Variants in PCDHGA9 observed in about 807,000 individuals in gnomAD.
PCDHGA9 encodes the protein protocadherin gamma subfamily A, 9.
A neutral mutation model predicts 62.5 loss-of-function variants in PCDHGA9; 37 were observed. That is an observed-to-expected ratio of 0.59 (90% confidence interval 0.46 to 0.78). PCDHGA9 has a LOEUF of 0.78. PCDHGA9 is among the 30% of genes least tolerant of loss of function. The pLI, the probability that PCDHGA9 is intolerant of heterozygous loss-of-function variation, is 0.00. For missense variants in PCDHGA9, 1,138 were observed against 1,166.2 expected (o/e 0.98, Z 0.35); for synonymous variants, 459 against 484.6 (o/e 0.95, Z 0.69).
At chr5:141,503,620 A>C (rs1475731896) in intron 2 of PCDHGA9, among the ~76,000 whole-genome samples, 1 of 152,026 alleles carries the variant, frequency 6.6e-6, no homozygotes, top group East Asian at 1.9e-4. Flanking sequence ...AAAAAGAAAA[A>C]AGAAAAGAAA....
intron 1 of PCDHGA9, chr5:141,418,882 C>G: frequency 1.2e-6 from 2 of 1,613,960 alleles, no homozygotes; most frequent in Non-Finnish European, 1.7e-6. Flanking sequence ...TAGACGAAAA[C>G]GACAACAGCC....
intron 1 of PCDHGA9, chr5:141,441,139 G>C (rs1000704603): frequency 6.6e-6 from 1 of 152,172 alleles, no homozygotes; most frequent in African/African-American, 2.4e-5. Context: ...ATTTCTAGAA[G>C]ATAATGACAA....
At chr5:141,453,517 C>T (rs1001603927) in intron 1 of PCDHGA9, among the ~76,000 whole-genome samples, 1 of 152,062 alleles carries the variant, frequency 6.6e-6, no homozygotes, top group African/African-American at 2.4e-5. Context: ...TCATTCCTCC[C>T]CTATACCTTC....
intron 1 of PCDHGA9, among the ~76,000 whole-genome samples, chr5:141,448,316 T>C (rs1042171540): frequency 6.6e-6 from 1 of 152,174 alleles, no homozygotes; most frequent in Non-Finnish European, 1.5e-5. Flanking sequence ...AGGAATCTTT[T>C]CTTTGAATCT....
At chr5:141,461,966 G>A (rs2099027516) in intron 1 of PCDHGA9, among the ~76,000 whole-genome samples, 1 of 152,162 alleles carries the variant, frequency 6.6e-6, no homozygotes, top group African/African-American at 2.4e-5. Context: ...TGGGATTCCA[G>A]GCATATGCCA....
chr5:141,476,036 A>G lies in PCDHGA9; in HGVS notation c.2425-18771A>G. The G allele has an allele frequency of 1.4e-6, 2 of 1,471,164 alleles. No individual in the cohort carries two copies. Among genetic ancestry groups the G allele is most frequent in the Non-Finnish European group, 1.8e-6 (2 of 1,106,602 alleles). 91.1% of individuals were successfully genotyped at this position (1,471,164 alleles called of 1,614,324 possible). ...ATGTCGGACTCGGCGCCCAGCGCCCAAGCGCTAACCCGCTGAAAGTTTCTC... is the reference window on the plus strand; with the variant it reads ...ATGTCGGACTCGGCGCCCAGCGCCCGAGCGCTAACCCGCTGAAAGTTTCTC... On this transcript the variant is annotated intron_variant, in intron 1 of 3. Transcript: ENST00000573521. The surrounding 1 kb of genome is among the most constrained non-coding windows in gnomAD (Gnocchi z 7.6).
intron 1 of PCDHGA9, chr5:141,407,992 G>A (rs929571955): frequency 4.3e-5 from 37 of 851,508 alleles, no homozygotes; most frequent in Middle Eastern, 3.7e-4. Context: ...GTCAGCCTCT[G>A]GCCTGGGATT....
rs759226115 is a variant in PCDHGA9 at position 141,405,385 on chromosome 5, A to AT, written c.2424+17dup. 3.1e-5 allele frequency: 49 copies of AT among 1,599,976 alleles called. 1 individual carries two copies. The highest frequency in any genetic ancestry group is 2.8e-4 in the Admixed American group (16 of 56,782). On this transcript the variant is annotated intron_variant, in intron 1 of 3. Coordinates refer to ENST00000573521, the MANE Select transcript of PCDHGA9 (RefSeq NM_018921.3). ...ACACCCCTTTGGTTCCGGTGAGTTC[A>AT]TTTTTTTTCTTTCTTTCTTTTCTTT...
chr5:141,403,365 T>A lies in PCDHGA9; in HGVS notation c.413T>A (p.Leu138Gln). Residue 138 changes from leucine to glutamine, a missense_variant, in exon 1 of 4, where the codon CTG (leucine) becomes CAG (glutamine). Leu to Gln is a moderately radical substitution (Grantham distance 113, BLOSUM62 -2). Transcript: ENST00000573521. ...GCCCCAAAGTTCCAGGCCGAAAGTC[T>A]GGAAGTAAAAATTAACGAAATCGCG... ...DSAPKFQAES[L>Q]EVKINEIAVP... 6.2e-7 allele frequency: 1 copy of A among 1,614,024 alleles called. No homozygotes were observed. Among genetic ancestry groups the A allele is most frequent in the Non-Finnish European group, 8.5e-7 (1 of 1,179,902 alleles).
chr5:141,483,472 T>C (rs1457039859), intron 1 of PCDHGA9, among the ~76,000 whole-genome samples: 2 of 152,076 alleles, frequency 1.3e-5, no homozygotes, highest in Non-Finnish European at 2.9e-5. Flanking sequence ...TGACATGATA[T>C]AGGAAGTGAG....
At chr5:141,494,724 T>C in intron 1 of PCDHGA9, 83 bp from the exon 2 acceptor site, 1 of 1,606,108 alleles carries the variant, frequency 6.2e-7, no homozygotes, top group South Asian at 1.1e-5. Flanking sequence ...CCCCTCCTTC[T>C]CTCCCGGCCC....
At chr5:141,421,523 C>G in intron 1 of PCDHGA9, 1 of 1,614,034 alleles carries the variant, frequency 6.2e-7, no homozygotes, top group Non-Finnish European at 8.5e-7. Context: ...CTCTGTGAGA[C>G]GGTGTCCTCC....
chr5:141,410,458 T>C (rs776990737), intron 1 of PCDHGA9: 9 of 1,613,922 alleles, frequency 5.6e-6, no homozygotes, highest in Middle Eastern at 3.3e-4. Context: ...CTTATTCTTA[T>C]AATCTGTGCA....
At chr5:141,471,302 C>T (rs111827070) in intron 1 of PCDHGA9, 9,302 of 152,168 alleles carry the variant, frequency 0.061, 339 homozygotes, top group South Asian at 0.12. Flanking sequence ...CCACCCAACT[C>T]GGCCTCCCAA....
intron 3 of PCDHGA9, among the ~76,000 whole-genome samples, chr5:141,509,693 G>A (rs72790076): frequency 0.024 from 3,613 of 152,246 alleles, 55 homozygotes; most frequent in East Asian, 0.046. Flanking sequence ...ACAGTGGGAC[G>A]TTGGACTGGA....
chr5:141,459,976 G>A (rs1013971472), intron 1 of PCDHGA9, among the ~76,000 whole-genome samples: 1 of 152,202 alleles, frequency 6.6e-6, no homozygotes, highest in Non-Finnish European at 1.5e-5. Flanking sequence ...TACTCAGGAG[G>A]CTGAGACAGG....
In PCDHGA9 at chr5:141,403,513, T is replaced by C. The variant is rs754840157; in HGVS notation, c.561T>C (p.Asn187=). ...CCCTGAACGTGCAGACTGGAGACAA[T>C]GGAGCCATAAACCCAGAGCTGGTGC... is the stretch of plus-strand genomic sequence containing the variant. ...HFSLNVQTGD[N]GAINPELVLE... is the part of the protein sequence containing the mutation. The change falls in exon 1 of 4, where the codon AAT becomes AAC. Residue 187 remains asparagine (N), a synonymous_variant. Coordinates refer to ENST00000573521, the MANE Select transcript of PCDHGA9 (RefSeq NM_018921.3). 1 of 1,613,714 alleles carries C rather than the reference T, an allele frequency of 6.2e-7. No individual in the cohort carries two copies. Among genetic ancestry groups the C allele is most frequent in the East Asian group, 2.2e-5 (1 of 44,886 alleles).
intron 1 of PCDHGA9, chr5:141,420,078 C>T (rs764695314): frequency 6.2e-7 from 1 of 1,614,008 alleles, no homozygotes; most frequent in Non-Finnish European, 8.5e-7. Context: ...CCTGTGGGTC[C>T]CCCCAACTAC....
rs544860780 is a variant in PCDHGA9 at position 141,406,543 on chromosome 5, C to G, written c.2424+1167C>G. On this transcript the variant is annotated intron_variant, in intron 1 of 3. Transcript: ENST00000573521. ...AGATATTTTCTGACGAAGATTCAAA[C>G]TTCAGTTATCCACTTCCAAACCCTA... is the stretch of plus-strand genomic sequence containing the variant. Among the ~76,000 whole-genome samples, 16 of 152,288 alleles carry G rather than the reference C, an allele frequency of 1.1e-4. 1 individual carries two copies. The South Asian group carries it at 2.9e-3, about 28-fold the overall frequency.
Sources: gnomAD v4.1 joint callset for allele counts (sites outside exome capture counted in the v4.1 genomes callset) on GRCh38, gnomAD v4.1.1 for gene constraint, Gnocchi (gnomAD v3.1) non-coding constraint, MANE v1.5 for transcripts, NCBI Gene and HGNC (gene_info 2026-07-23, HGNC 2026-07-21) for gene names.